IQCM: variants seen among roughly 807,000 people sequenced by gnomAD.
IQCM encodes the protein IQ motif containing M.
A neutral mutation model predicts 57.6 loss-of-function variants in IQCM; 45 were observed. The observed-to-expected ratio is 0.78, with a 90% CI of 0.62 to 1.00. The LOEUF (loss-of-function observed/expected upper bound fraction) is 1.00, where lower values mean the gene tolerates loss of function less well. Ranked by LOEUF, IQCM falls within the 50% of genes least tolerant of loss-of-function variation. The pLI is 0.00. For synonymous variants in IQCM, 148 were observed against 158.9 expected, an observed-to-expected ratio of 0.93 and a Z score of 0.51; for missense variants, 468 against 511.6, an observed-to-expected ratio of 0.91 and a Z score of 0.82.
At chr4:149,403,684 A>G (rs1235993425) in intron 13 of IQCM, among the ~76,000 whole-genome samples, 1 of 151,944 alleles carries the variant, frequency 6.6e-6, no homozygotes, top group Non-Finnish European at 1.5e-5. Context: ...TCATCATCAA[A>G]TCCAGAGCAT....
intron 8 of IQCM, among the ~76,000 whole-genome samples, chr4:149,619,734 T>C (rs1227345154): frequency 2.6e-5 from 4 of 152,190 alleles, no homozygotes; most frequent in African/African-American, 4.8e-5. Flanking sequence ...GAAATTCATA[T>C]GTAGAAGTTC....
chr4:149,406,187 T>C (rs539193957), intron 13 of IQCM, among the ~76,000 whole-genome samples: 5 of 152,116 alleles, frequency 3.3e-5, no homozygotes, highest in Admixed American at 2.6e-4. Flanking sequence ...ATGTATTTAA[T>C]AGTGAGCAAA....
chr4:149,551,628 T>C (rs1365713892), intron 11 of IQCM, among the ~76,000 whole-genome samples: 1 of 152,162 alleles, frequency 6.6e-6, no homozygotes, highest in Non-Finnish European at 1.5e-5. Context: ...ATGTGGTCAG[T>C]GTAATAACTG....
At chr4:149,727,173 A>G (rs982948507) in intron 5 of IQCM, among the ~76,000 whole-genome samples, 5 of 152,216 alleles carry the variant, frequency 3.3e-5, no homozygotes, top group African/African-American at 4.8e-5. Flanking sequence ...CTATAAATTA[A>G]TGACTCCAAC....
At chr4:149,425,872 TTA>T (rs1482417521) in intron 13 of IQCM, among the ~76,000 whole-genome samples, 2 of 152,016 alleles carry the variant, frequency 1.3e-5, no homozygotes, top group Non-Finnish European at 2.9e-5. Context: ...TTTCAAACTA[TTA>T]TACAGATTTA....
At chr4:149,521,839 C>A (rs867496923) in intron 12 of IQCM, among the ~76,000 whole-genome samples, 2 of 152,150 alleles carry the variant, frequency 1.3e-5, no homozygotes, top group Non-Finnish European at 2.9e-5. Flanking sequence ...TGCTTTGTCT[C>A]CAGACAAGAT....
At chr4:149,731,441 A>G (rs889092658) in intron 5 of IQCM, among the ~76,000 whole-genome samples, 15 of 152,148 alleles carry the variant, frequency 9.9e-5, no homozygotes, top group South Asian at 2.1e-4. Flanking sequence ...TTCCATAACT[A>G]TGAGAAATAA....
At chr4:149,628,742 G>A (rs538463127) in intron 7 of IQCM, among the ~76,000 whole-genome samples, 2 of 151,874 alleles carry the variant, frequency 1.3e-5, no homozygotes, top group African/African-American at 2.4e-5. Context: ...AAGTATATTC[G>A]GCAAAATTAC....
intron 7 of IQCM, among the ~76,000 whole-genome samples, chr4:149,637,256 T>C (rs941836955): frequency 6.6e-6 from 1 of 151,630 alleles, no homozygotes; most frequent in Admixed American, 6.6e-5. Flanking sequence ...CTGAAACAAT[T>C]AGAAAAATGT....
chr4:149,795,383 A>T (rs1265001911), intron 2 of IQCM, among the ~76,000 whole-genome samples: 1 of 152,156 alleles, frequency 6.6e-6, no homozygotes, highest in Non-Finnish European at 1.5e-5. Context: ...CCGCCGAAAG[A>T]GGGAGCATTT....
At chr4:149,615,436 G>C (rs1755703856) in intron 8 of IQCM, among the ~76,000 whole-genome samples, 1 of 152,116 alleles carries the variant, frequency 6.6e-6, no homozygotes, top group East Asian at 1.9e-4. Flanking sequence ...TCTTCAGGAT[G>C]CAGTTTTTAA....
At chr4:149,560,606 G>T (rs1321359118) in intron 10 of IQCM, among the ~76,000 whole-genome samples, 1 of 151,854 alleles carries the variant, frequency 6.6e-6, no homozygotes, top group Non-Finnish European at 1.5e-5. Context: ...TAAAGGAAAA[G>T]GACATTTTTA....
intron 12 of IQCM, among the ~76,000 whole-genome samples, chr4:149,484,066 T>C (rs569424854): frequency 3.9e-5 from 6 of 152,124 alleles, no homozygotes; most frequent in African/African-American, 1.4e-4. Context: ...GAAATTTGTT[T>C]TGTCTTGATA....
chr4:149,532,597 T>C (rs1357115480), intron 12 of IQCM, among the ~76,000 whole-genome samples: 1 of 151,486 alleles, frequency 6.6e-6, no homozygotes, highest in Non-Finnish European at 1.5e-5. Flanking sequence ...TGGGGGCATA[T>C]ACTACCTCTT....
intron 12 of IQCM, among the ~76,000 whole-genome samples, chr4:149,513,162 G>C (rs1744595323): frequency 6.6e-6 from 1 of 152,116 alleles, no homozygotes; most frequent in Non-Finnish European, 1.5e-5. Flanking sequence ...ATTCCATTTT[G>C]CTTCTAAAGG....
chr4:149,815,477 CTT>C (rs1400839297), intron 1 of IQCM, 121 bp downstream of exon 1: 3 of 151,748 alleles, frequency 2.0e-5, no homozygotes, highest in African/African-American at 7.3e-5. Context: ...CCTAAGAAAA[CTT>C]ATTTCTTTGA....
intron 12 of IQCM, among the ~76,000 whole-genome samples, chr4:149,447,916 G>T (rs1202217030): frequency 1.3e-5 from 2 of 151,536 alleles, no homozygotes; most frequent in South Asian, 2.1e-4. Flanking sequence ...GAGGAACAAA[G>T]ATAGGAATTA....
chr4:149,466,125 T>C (rs752230104), intron 12 of IQCM, among the ~76,000 whole-genome samples: 1 of 152,196 alleles, frequency 6.6e-6, no homozygotes, highest in Non-Finnish European at 1.5e-5. Flanking sequence ...CATTGCGACA[T>C]AGCTGTGAAC....
In IQCM at chr4:149,570,870, C is replaced by T. The variant is rs185378538; in HGVS notation, c.750-6980G>A. Among the ~76,000 whole-genome samples, 511 of 152,044 alleles carry T rather than the reference C, an allele frequency of 3.4e-3. 5 individuals are homozygous for T. The highest frequency in any genetic ancestry group is 0.015 in the South Asian group (73 of 4,826). On this transcript the variant is annotated intron_variant, in intron 9 of 13. Coordinates refer to ENST00000636793, the MANE Select transcript of IQCM (RefSeq NM_001363507.2). ...TAGAGATTTCCCTAAAGAAGACATA[C>T]AAATTGCCAAAACATATATGAAAAA...
Sources: allele counts gnomAD v4.1 joint callset (sites outside exome capture counted in the v4.1 genomes callset), GRCh38; gene constraint gnomAD v4.1.1; transcripts MANE v1.5; gene names NCBI Gene and HGNC (gene_info 2026-07-23, HGNC 2026-07-21).